Variants in NUP210L observed in about 807,000 individuals in gnomAD.
NUP210L encodes the protein nucleoporin 210 like.
In NUP210L, 74 loss-of-function variants were observed where a neutral mutation model predicts 208.5. The observed-to-expected ratio is 0.35, with a 90% CI of 0.29 to 0.43. The LOEUF (loss-of-function observed/expected upper bound fraction) is 0.43, where lower values mean the gene tolerates loss of function less well. NUP210L is among the 20% of genes least tolerant of loss of function. The pLI is 1.00. For missense variants in NUP210L, 1,843 were observed against 2,289.4 expected, an observed-to-expected ratio of 0.81 and a Z score of 3.98; for synonymous variants, 780 against 816.9, an observed-to-expected ratio of 0.95 and a Z score of 0.77.
chr1:153,993,896 A>C (rs886131860), intron 38 of NUP210L, among the ~76,000 whole-genome samples: 1 of 150,794 alleles, frequency 6.6e-6, no homozygotes, highest in South Asian at 2.1e-4. Flanking sequence ...ACTCCATCTC[A>C]AAAAAATTTT....
In NUP210L at chr1:153,995,768, G is replaced by A. The variant is rs933424250; in HGVS notation, c.5387-588C>T. Reference sequence around the variant, plus strand: ...GATGGGAAAGCACCAAAATCTGCATGTGGCATGTGCCCAGGCAGACTTCAA... The same window carrying A: ...GATGGGAAAGCACCAAAATCTGCATATGGCATGTGCCCAGGCAGACTTCAA... On this transcript the variant is annotated intron_variant, in intron 37 of 39. Transcript: ENST00000368559. 5.8e-6 allele frequency: 4 copies of A among 689,024 alleles called. No individual in the cohort carries two copies. In the African/African-American group the frequency reaches 7.1e-5, roughly 12 times the overall value. The allele number at this position is 689,024 out of a possible 1,614,324, so 42.7% of individuals were successfully genotyped here.
chr1:154,046,226 T>C (rs760841228), intron 26 of NUP210L, 26 bp from the exon 27 acceptor site: 1 of 1,614,134 alleles, frequency 6.2e-7, no homozygotes, highest in East Asian at 2.2e-5. Context: ...AGCATTGTGC[T>C]ATATATTCTG....
At chr1:154,077,650 A>G (rs1557960628) in intron 16 of NUP210L, among the ~76,000 whole-genome samples, 1 of 152,180 alleles carries the variant, frequency 6.6e-6, no homozygotes, top group African/African-American at 2.4e-5. Context: ...GTATAAATGT[A>G]TTTTCGGTTG....
At chr1:154,043,895 C>T (rs1004906546) in intron 27 of NUP210L, among the ~76,000 whole-genome samples, 1 of 152,026 alleles carries the variant, frequency 6.6e-6, no homozygotes, top group Non-Finnish European at 1.5e-5. Flanking sequence ...GCTGGGATTA[C>T]AGGCCTTATG....
chr1:154,027,381 A>C (rs1010034333), intron 29 of NUP210L, 125 bp downstream of exon 29: 6 of 644,712 alleles, frequency 9.3e-6, no homozygotes, highest in Admixed American at 8.8e-5. Context: ...TGGGAATTTC[A>C]CCTCACACAA....
exon 30 of NUP210L, chr1:154,025,548 C>T: frequency 6.2e-7 from 1 of 1,605,020 alleles, no homozygotes; most frequent in Non-Finnish European, 8.5e-7. Context: ...TCACCTGGAC[C>T]CCAGTTATGG....
chr1:154,029,005 A>G (rs1349724885), intron 28 of NUP210L, among the ~76,000 whole-genome samples: 1 of 150,532 alleles, frequency 6.6e-6, no homozygotes, highest in African/African-American at 2.4e-5. Flanking sequence ...TGAGGCAGGG[A>G]GAATTACCTG....
chr1:154,002,659 T>A (rs1650288633), intron 35 of NUP210L, among the ~76,000 whole-genome samples: 1 of 151,970 alleles, frequency 6.6e-6, no homozygotes, highest in South Asian at 2.1e-4. Context: ...GAGAAGGGAC[T>A]TCATTATGTT....
intron 15 of NUP210L, among the ~76,000 whole-genome samples, chr1:154,089,803 C>T (rs1655812851): frequency 6.6e-6 from 1 of 151,950 alleles, no homozygotes; most frequent in Non-Finnish European, 1.5e-5. Flanking sequence ...ACAACTGGAA[C>T]ATTAAAAAAA....
At chr1:154,153,561 C>T (rs1199407859) in intron 1 of NUP210L, among the ~76,000 whole-genome samples, 1 of 152,026 alleles carries the variant, frequency 6.6e-6, no homozygotes, top group South Asian at 2.1e-4. Context: ...CTGCCTGCCC[C>T]GGCCTCCCAA....
At chr1:154,058,051 T>C in intron 22 of NUP210L, 38 bp downstream of exon 22, 2 of 1,611,530 alleles carry the variant, frequency 1.2e-6, no homozygotes, top group Non-Finnish European at 1.7e-6. Flanking sequence ...AGTCTTATGA[T>C]ATGCAGAGTG....
chr1:154,083,099 T>C (rs191365101), intron 16 of NUP210L, among the ~76,000 whole-genome samples: 6 of 152,266 alleles, frequency 3.9e-5, no homozygotes, highest in African/African-American at 1.4e-4. Context: ...TGAACAAATA[T>C]TCCGCAGCAC....
chr1:154,092,369 G>A (rs928257334), intron 15 of NUP210L, among the ~76,000 whole-genome samples: 5 of 144,920 alleles, frequency 3.5e-5, no homozygotes, highest in Non-Finnish European at 7.5e-5. Context: ...GTTAGCCACC[G>A]CGCCCGGCCT....
chr1:154,093,639 TA>T (rs1271963359), intron 15 of NUP210L, among the ~76,000 whole-genome samples: 1 of 151,750 alleles, frequency 6.6e-6, no homozygotes, highest in Non-Finnish European at 1.5e-5. Flanking sequence ...AATAAATAAA[TA>T]AAATAAAATA....
intron 7 of NUP210L, among the ~76,000 whole-genome samples, chr1:154,132,099 G>T (rs995179025): frequency 1.4e-4 from 22 of 152,154 alleles, no homozygotes; most frequent in Admixed American, 3.3e-4. Context: ...GAGCCACTGT[G>T]CCCATCCTTG....
intron 35 of NUP210L, among the ~76,000 whole-genome samples, chr1:154,008,514 C>T (rs892960239): frequency 1.3e-5 from 2 of 152,172 alleles, no homozygotes; most frequent in Non-Finnish European, 2.9e-5. Context: ...CGAGACCAGC[C>T]TGACCAACAT....
At chr1:154,098,015 G>A (rs975865189) in intron 14 of NUP210L, among the ~76,000 whole-genome samples, 2 of 152,172 alleles carry the variant, frequency 1.3e-5, no homozygotes, top group Non-Finnish European at 2.9e-5. Flanking sequence ...ACCTGCCAAG[G>A]GTGAGCCAGG....
rs761650994 is a variant in NUP210L, at chr1:154,084,578, T to A, written c.2361+4843A>T. Among the ~76,000 whole-genome samples, 32 of 151,948 alleles carry A rather than the reference T, an allele frequency of 2.1e-4. No homozygotes were observed. In the East Asian group the frequency reaches 5.2e-3, roughly 25 times the overall value. ...GCTGGTGGAGACCTTGCTTTATTTTTAAAAAATTTTTGTCTATTTATTTAT... is the reference window on the plus strand; with the variant it reads ...GCTGGTGGAGACCTTGCTTTATTTTAAAAAAATTTTTGTCTATTTATTTAT... On this transcript the variant is annotated intron_variant, in intron 16 of 39. Transcript: ENST00000368559.
chr1:154,015,947 AAT>A (rs1651221948), intron 33 of NUP210L, among the ~76,000 whole-genome samples: 2 of 149,204 alleles, frequency 1.3e-5, no homozygotes, highest in African/African-American at 2.5e-5. Context: ...TAAATAAATA[AAT>A]AAATAAAAAT....
Sources: allele counts gnomAD v4.1 joint callset (sites outside exome capture counted in the v4.1 genomes callset), GRCh38; gene constraint gnomAD v4.1.1; transcripts MANE v1.5; gene names NCBI Gene and HGNC (gene_info 2026-07-23, HGNC 2026-07-21).